Variants in CHEK1 observed in about 807,000 individuals in gnomAD.
The protein encoded by CHEK1 is checkpoint kinase 1, also known as serine/threonine-protein kinase Chk1.
A neutral mutation model predicts 60.2 loss-of-function variants in CHEK1; 32 were observed. The ratio of observed to expected loss-of-function variants is 0.53; its 90% CI spans 0.40 to 0.71. The LOEUF (loss-of-function observed/expected upper bound fraction) is 0.71. Among genes scored for constraint, CHEK1 ranks in the 30% least tolerant of loss-of-function variants. CHEK1 has a pLI of 0.00. For synonymous variants in CHEK1, 179 were observed against 187.2 expected (o/e 0.96, Z 0.36); for missense variants, 399 against 564.6 (o/e 0.71, Z 2.97).
At chr11:125,664,534 C>G (rs760717490) in intron 13 of CHEK1, among the ~76,000 whole-genome samples, 13 of 151,940 alleles carry the variant, frequency 8.6e-5, no homozygotes, top group African/African-American at 1.2e-4. Context: ...CATGCCTGGC[C>G]GAACATTTTT....
In CHEK1 at chr11:125,627,763, G is replaced by A. The variant is rs745450551; in HGVS notation, c.222G>A (p.Arg74=). 6.2e-7 allele frequency: 1 copy of A among 1,613,294 alleles called. No homozygotes were observed. The highest frequency in any genetic ancestry group is 1.1e-5 in the South Asian group (1 of 91,040). ...ATGTAGTAAAATTCTATGGTCACAGGAGAGAAGGCAATATCCAATATTTAT... is the reference window on the plus strand; with the variant it reads ...ATGTAGTAAAATTCTATGGTCACAGAAGAGAAGGCAATATCCAATATTTAT... The part of the protein sequence containing the change: ...HENVVKFYGH[R]REGNIQYLFL... Residue 74 remains arginine, a synonymous_variant, in exon 3 of 13, where the codon AGG becomes AGA. Coordinates refer to ENST00000438015, the MANE Select transcript of CHEK1 (RefSeq NM_001114122.3).
downstream of CHEK1, among the ~76,000 whole-genome samples, chr11:125,680,019 T>A (rs1054850192): frequency 6.6e-6 from 1 of 152,252 alleles, no homozygotes; most frequent in Non-Finnish European, 1.5e-5. Flanking sequence ...ATGACTCGTG[T>A]CACCATGTGA....
At chr11:125,676,267 C>G (rs562437721), downstream of CHEK1, 7 of 1,471,152 alleles carry the variant, frequency 4.8e-6, no homozygotes, top group African/African-American at 8.4e-5. Flanking sequence ...TTCCTTGATT[C>G]TTTCCTGGGC....
intron 13 of CHEK1, among the ~76,000 whole-genome samples, chr11:125,669,427 A>G (rs1317857157): frequency 1.3e-5 from 2 of 151,766 alleles, no homozygotes; most frequent in East Asian, 1.9e-4. Flanking sequence ...TATGTAATGT[A>G]TCTTTTCTTT....
chr11:125,669,997 G>A (rs75502887), intron 13 of CHEK1, among the ~76,000 whole-genome samples: 10,547 of 152,120 alleles, frequency 0.069, 402 homozygotes, highest in Middle Eastern at 0.1. Context: ...CATATTATTT[G>A]TTATGTTCCA....
chr11:125,662,044 T>A (rs1298264014), downstream of CHEK1, among the ~76,000 whole-genome samples: 1 of 152,212 alleles, frequency 6.6e-6, no homozygotes, highest in Non-Finnish European at 1.5e-5. Context: ...AACATTCACT[T>A]TCCTCCCACT....
At chr11:125,679,228 T>TTTTTTTTTTTTTTTTTTTTTTTTG (rs1454887323), downstream of CHEK1, among the ~76,000 whole-genome samples, 1 of 145,560 alleles carries the variant, frequency 6.9e-6, no homozygotes, top group African/African-American at 2.6e-5. Flanking sequence ...TTTTTTTTTT[T>TTTTTTTTTTTTTTTTTTTTTTTTG]TGTTTCAAAG....
At chr11:125,626,883 T>A in intron 2 of CHEK1, 50 bp downstream of exon 2, 1 of 1,578,242 alleles carries the variant, frequency 6.3e-7, no homozygotes, top group Non-Finnish European at 8.7e-7. Context: ...ATTCATTGTT[T>A]TGGAGTCTCA....
chr11:125,646,641 C>T (rs1941519512), intron 11 of CHEK1, among the ~76,000 whole-genome samples: 1 of 152,098 alleles, frequency 6.6e-6, no homozygotes, highest in African/African-American at 2.4e-5. Flanking sequence ...CACTTACTGC[C>T]TCCCCTTTTT....
intron 13 of CHEK1, chr11:125,671,411 G>A (rs1462871196): frequency 6.6e-6 from 1 of 152,078 alleles, no homozygotes; most frequent in African/African-American, 2.4e-5. Flanking sequence ...AGGGGTATGA[G>A]TATAAGTTCA....
chr11:125,642,203 C>T (rs1273296523), intron 8 of CHEK1, among the ~76,000 whole-genome samples: 1 of 152,120 alleles, frequency 6.6e-6, no homozygotes, highest in Non-Finnish European at 1.5e-5. Context: ...TAAGCCTTTC[C>T]TGGCCATGCT....
chr11:125,677,834 T>G, downstream of CHEK1: 1 of 1,614,134 alleles, frequency 6.2e-7, no homozygotes, highest in Non-Finnish European at 8.5e-7. Flanking sequence ...CTGAAGCCTG[T>G]TCCCCTGAAG....
At chr11:125,649,731 CA>C (rs35885200) in intron 11 of CHEK1, 24,122 of 129,208 alleles carry the variant, frequency 0.19, 1,809 homozygotes, top group East Asian at 0.23. Flanking sequence ...AAGACTGTCT[CA>C]AAAAAAAAAA....
At chr11:125,626,544 G>A (rs766325232) in intron 1 of CHEK1, 17 of 568,998 alleles carry the variant, frequency 3.0e-5, no homozygotes, top group African/African-American at 5.6e-5. Context: ...GGTGTGCTTG[G>A]GAGTGGCGAT....
chr11:125,627,909 G>A (rs746743424), intron 3 of CHEK1, 79 bp downstream of exon 3: 2 of 1,151,610 alleles, frequency 1.7e-6, no homozygotes, highest in Admixed American at 2.7e-5. Flanking sequence ...CTATTTGGTC[G>A]TTGTCCTTTC....
intron 6 of CHEK1, among the ~76,000 whole-genome samples, chr11:125,634,554 G>A (rs1940991043): frequency 6.6e-6 from 1 of 151,374 alleles, no homozygotes; most frequent in Non-Finnish European, 1.5e-5. Context: ...TAAACTCCTG[G>A]GCTCAAGTAA....
intron 13 of CHEK1, among the ~76,000 whole-genome samples, chr11:125,674,481 C>T (rs530641269): frequency 1.3e-5 from 2 of 152,298 alleles, no homozygotes; most frequent in East Asian, 3.9e-4. Flanking sequence ...GAAGTGGTGA[C>T]TTGCGTAGCT....
chr11:125,662,204 G>A (rs546846039), intron 13 of CHEK1, among the ~76,000 whole-genome samples: 1 of 152,342 alleles, frequency 6.6e-6, no homozygotes, highest in African/African-American at 2.4e-5. Context: ...TGGAGTCTGG[G>A]AAGTCCGAGT....
chr11:125,656,966 T>A lies in CHEK1; in HGVS notation c.*1646T>A, dbSNP rs1361354186. The A allele has an allele frequency of 5.1e-6, 1 of 197,812 alleles. No homozygotes were observed. The highest frequency in any genetic ancestry group is 1.0e-5 in the Non-Finnish European group (1 of 95,714). The allele number at this position is 197,812 out of a possible 1,614,324, so 12.3% of individuals were successfully genotyped here. A position where few individuals can be genotyped will look rare whatever the true frequency, so the allele number is the denominator to read the frequency against. On this transcript the variant is annotated 3_prime_UTR_variant, in exon 13 of 13. Coordinates refer to ENST00000438015, the MANE Select transcript of CHEK1 (RefSeq NM_001114122.3). ...AAAGACACTGATAATAAGTACCTTT[T>A]AGAGTTATTTTAATCTTTAATGCTT...
Sources: gnomAD v4.1 joint callset for allele counts (sites outside exome capture counted in the v4.1 genomes callset) on GRCh38, gnomAD v4.1.1 for gene constraint, MANE v1.5 for transcripts, NCBI Gene and HGNC (gene_info 2026-07-23, HGNC 2026-07-21) for gene names.